Variants in DGKB observed in about 807,000 individuals in gnomAD.
DGKB encodes the protein diacylglycerol kinase beta, also known as 90 kDa diacylglycerol kinase.
DGKB carries 67 observed loss-of-function variants against 114.3 expected under a neutral mutation model. That is an observed-to-expected ratio of 0.59 (90% CI 0.48 to 0.72). The LOEUF is 0.72. Among genes scored for constraint, DGKB ranks in the 30% least tolerant of loss-of-function variants. The probability of loss-of-function intolerance (pLI) is 0.00; values close to 1 mark genes in which losing one functional copy is unlikely to be tolerated. For missense variants in DGKB, 907 were observed against 975.2 expected, an observed-to-expected ratio of 0.93 and a Z score of 0.93; for synonymous variants, 398 against 323.1, an observed-to-expected ratio of 1.23 and a Z score of -2.49.
At chr7:14,395,729 T>G (rs1473149630) in intron 21 of DGKB, among the ~76,000 whole-genome samples, 3 of 151,824 alleles carry the variant, frequency 2.0e-5, no homozygotes, top group African/African-American at 7.3e-5. Flanking sequence ...TTCCATTAAT[T>G]TATTATTCAC....
At chr7:14,560,542 T>C (rs1397084343) in intron 20 of DGKB, among the ~76,000 whole-genome samples, 2 of 152,214 alleles carry the variant, frequency 1.3e-5, no homozygotes, top group African/African-American at 2.4e-5. Context: ...CAAAACTTTC[T>C]TTTTTAAAAA....
chr7:14,735,265 G>C (rs761438160), intron 5 of DGKB, among the ~76,000 whole-genome samples: 40 of 152,192 alleles, frequency 2.6e-4, no homozygotes, highest in Non-Finnish European at 4.6e-4. Context: ...AAGTCCAAGG[G>C]CTAGGTTTGC....
intron 3 of DGKB, 35 bp downstream of exon 3, chr7:14,757,620 T>C (rs1310932378): frequency 1.4e-5 from 17 of 1,201,228 alleles, no homozygotes; most frequent in Non-Finnish European, 2.1e-5. Context: ...TCCAAGCATA[T>C]ATACGAAACT....
intron 21 of DGKB, among the ~76,000 whole-genome samples, chr7:14,412,724 G>C (rs367560040): frequency 5.4e-4 from 82 of 152,264 alleles, no homozygotes; most frequent in African/African-American, 1.9e-3. Context: ...GCTCACGCCT[G>C]TAATCCCAGA....
intron 22 of DGKB, among the ~76,000 whole-genome samples, chr7:14,341,789 T>G (rs530984338): frequency 6.6e-6 from 1 of 151,890 alleles, no homozygotes; most frequent in African/African-American, 2.4e-5. Context: ...TATGTGACTT[T>G]AGTGTTTCAG....
intron 23 of DGKB, among the ~76,000 whole-genome samples, chr7:14,271,926 C>A (rs943087045): frequency 2.0e-5 from 3 of 152,190 alleles, no homozygotes; most frequent in Non-Finnish European, 4.4e-5. Flanking sequence ...GACAGTAAAA[C>A]TGATATTCCT....
intron 21 of DGKB, among the ~76,000 whole-genome samples, chr7:14,400,328 A>G (rs1822908245): frequency 6.6e-6 from 1 of 151,828 alleles, no homozygotes; most frequent in Non-Finnish European, 1.5e-5. Flanking sequence ...TCACTGAGCT[A>G]ATCCAATAAA....
At chr7:14,305,651 T>C (rs188416050) in intron 23 of DGKB, among the ~76,000 whole-genome samples, 92 of 152,306 alleles carry the variant, frequency 6.0e-4, no homozygotes, top group African/African-American at 2.1e-3. Flanking sequence ...CAATTGCTAC[T>C]GGCCTCAGGG....
At chr7:14,815,056 A>G (rs2128089226) in intron 2 of DGKB, 1 of 152,322 alleles carries the variant, frequency 6.6e-6, no homozygotes, top group South Asian at 2.1e-4. Flanking sequence ...CGAATTGTGA[A>G]TGAATACAGA....
chr7:14,716,794 G>GT (rs1168230742), intron 6 of DGKB, among the ~76,000 whole-genome samples: 1 of 152,130 alleles, frequency 6.6e-6, no homozygotes, highest in African/African-American at 2.4e-5. Flanking sequence ...TGATTCTGAT[G>GT]TATAGCCAGG....
chr7:14,355,847 G>A (rs534593741), intron 21 of DGKB, among the ~76,000 whole-genome samples: 12 of 152,278 alleles, frequency 7.9e-5, no homozygotes, highest in African/African-American at 2.9e-4. Context: ...GTTTCAGAAG[G>A]AATGGTACCA....
At chr7:14,917,526 A>T (rs1784302545) in intron 1 of DGKB, among the ~76,000 whole-genome samples, 1 of 152,032 alleles carries the variant, frequency 6.6e-6, no homozygotes, top group South Asian at 2.1e-4. Context: ...TAATTTAGTT[A>T]AAAAGGACTG....
At chr7:14,544,403 T>G (rs907434342) in intron 20 of DGKB, among the ~76,000 whole-genome samples, 2 of 152,204 alleles carry the variant, frequency 1.3e-5, no homozygotes, top group African/African-American at 4.8e-5. Flanking sequence ...ACACACTGCT[T>G]GTAGAACAAA....
At chr7:14,445,247 A>G (rs551395238) in intron 21 of DGKB, among the ~76,000 whole-genome samples, 1 of 152,020 alleles carries the variant, frequency 6.6e-6, no homozygotes, top group East Asian at 1.9e-4. Context: ...CCTGAAGGAA[A>G]TGGAAGAGTG....
chr7:14,644,561 T>C (rs1812527371), intron 13 of DGKB, among the ~76,000 whole-genome samples: 1 of 152,074 alleles, frequency 6.6e-6, no homozygotes, highest in South Asian at 2.1e-4. Flanking sequence ...AATGAAAATA[T>C]AAAAAGTACA....
At position 14,874,803 on chromosome 7, in the gene DGKB, G is replaced by A. The variant is rs73056908; in HGVS notation, c.-188+27789C>T. 6.6e-3 allele frequency among the ~76,000 whole-genome samples: 1,008 copies of A among 152,144 alleles called. 6 individuals are homozygous for A. Among genetic ancestry groups the A allele is most frequent in the Non-Finnish European group, 0.011 (764 of 67,968 alleles). On this transcript the variant is annotated intron_variant, in intron 1 of 25. Coordinates refer to ENST00000402815, the MANE Select transcript of DGKB (RefSeq NM_001350709.2). ...TATTCCAAATCAATTCCCCCACACAGATTTATTAGTAGATACAATATAAAG... is the reference window on the plus strand; with the variant it reads ...TATTCCAAATCAATTCCCCCACACAAATTTATTAGTAGATACAATATAAAG...
At chr7:14,569,478 A>G (rs911496289) in intron 20 of DGKB, among the ~76,000 whole-genome samples, 2 of 152,122 alleles carry the variant, frequency 1.3e-5, no homozygotes, top group Admixed American at 6.6e-5. Flanking sequence ...GTTCTAACAA[A>G]AGTTTTTTCT....
At chr7:14,917,665 C>G (rs982577195) in intron 1 of DGKB, among the ~76,000 whole-genome samples, 5 of 151,902 alleles carry the variant, frequency 3.3e-5, no homozygotes, top group Admixed American at 2.6e-4. Flanking sequence ...CATTCCCAGA[C>G]AGTTTCATTG....
chr7:14,881,971 C>A (rs1854298641), intron 1 of DGKB, among the ~76,000 whole-genome samples: 2 of 151,858 alleles, frequency 1.3e-5, no homozygotes, highest in South Asian at 2.1e-4. Flanking sequence ...TTAATCAGTC[C>A]TGCTATTTTA....
Sources: allele counts gnomAD v4.1 joint callset (sites outside exome capture counted in the v4.1 genomes callset), GRCh38; gene constraint gnomAD v4.1.1; transcripts MANE v1.5; gene names NCBI Gene and HGNC (gene_info 2026-07-23, HGNC 2026-07-21).